The following TBXAS1 variants were observed in gnomAD, a reference collection of about 807,000 sequenced individuals.
TBXAS1 encodes the protein thromboxane-A synthase.
A neutral mutation model predicts 60.7 loss-of-function variants in TBXAS1; 48 were observed. That is an observed-to-expected ratio of 0.79 (90% CI 0.63 to 1.01). The LOEUF (loss-of-function observed/expected upper bound fraction) is 1.01. Ranked by LOEUF, TBXAS1 falls within the 50% of genes least tolerant of loss-of-function variation. TBXAS1 has a pLI of 0.00. For missense variants in TBXAS1, 685 were observed against 686.3 expected (o/e 1.00, Z 0.02); for synonymous variants, 287 against 269.7 (o/e 1.06, Z -0.63).
intron 4 of TBXAS1, among the ~76,000 whole-genome samples, chr7:139,815,611 T>G (rs534636252): frequency 6.6e-6 from 1 of 152,338 alleles, no homozygotes; most frequent in Non-Finnish European, 1.5e-5. Flanking sequence ...TACCTCATCT[T>G]CCACTGCCAT....
chr7:139,829,592 C>A (rs139547778), intron 1 of TBXAS1, 113 bp downstream of exon 1: 10 of 969,712 alleles, frequency 1.0e-5, no homozygotes, highest in East Asian at 2.6e-5. Flanking sequence ...TCTAATCTAG[C>A]GGGAGTGAGT....
chr7:139,866,797 T>G (rs780712223), intron 1 of TBXAS1, among the ~76,000 whole-genome samples: 17 of 151,360 alleles, frequency 1.1e-4, no homozygotes, highest in Admixed American at 1.3e-4. Flanking sequence ...AGGAAAAATA[T>G]AGAGAGAGAA....
At chr7:139,963,547 C>T (rs956367062) in intron 9 of TBXAS1, among the ~76,000 whole-genome samples, 7 of 152,132 alleles carry the variant, frequency 4.6e-5, no homozygotes, top group Admixed American at 4.6e-4. Context: ...AACCCTGCCA[C>T]CCATCTTATT....
rs1554503287 is a variant in TBXAS1, at chr7:139,984,636, G to GGGAGAAAGAAAGAAAGAAAGAA, written c.1134+22403_1134+22404insGGAGAAAGAAAGAAAGAAAGAA. On this transcript the variant is annotated intron_variant, in intron 9 of 12. Transcript: ENST00000448866. ...AGAAAGAGAGAGAGAGAGAGAGAGA[G>GGGAGAAAGAAAGAAAGAAAGAA]AGAGAGAAAGAAAGAAAGGGAAGGG... 9.4e-4 allele frequency among the ~76,000 whole-genome samples: 67 copies of GGGAGAAAGAAAGAAAGAAAGAA among 70,950 alleles called. 4 individuals are homozygous for GGGAGAAAGAAAGAAAGAAAGAA. Among genetic ancestry groups the GGGAGAAAGAAAGAAAGAAAGAA allele is most frequent in the East Asian group, 2.1e-3 (4 of 1,878 alleles). The allele number at this position is 70,950 out of a possible 152,430, so 46.5% of individuals were successfully genotyped here. A position where few individuals can be genotyped will look rare whatever the true frequency, so the allele number is the denominator to read the frequency against.
chr7:139,953,723 AG>A (rs1809602472), intron 6 of TBXAS1, among the ~76,000 whole-genome samples: 2 of 152,244 alleles, frequency 1.3e-5, no homozygotes, highest in South Asian at 4.1e-4. Flanking sequence ...TGGGCAGGAC[AG>A]GCCTGCGCCT....
intron 1 of TBXAS1, among the ~76,000 whole-genome samples, chr7:139,867,944 C>T (rs1270022531): frequency 6.6e-6 from 1 of 151,960 alleles, no homozygotes; most frequent in Non-Finnish European, 1.5e-5. Flanking sequence ...TCCAGTGGCC[C>T]GATTTATTTT....
intron 1 of TBXAS1, among the ~76,000 whole-genome samples, chr7:139,779,056 T>C (rs2117209643): frequency 6.6e-6 from 1 of 152,344 alleles, no homozygotes; most frequent in Middle Eastern, 3.4e-3. Flanking sequence ...TATTGTTTCA[T>C]AAACCTTTTG....
At chr7:139,906,468 A>G (rs534199226) in intron 3 of TBXAS1, among the ~76,000 whole-genome samples, 1 of 151,650 alleles carries the variant, frequency 6.6e-6, no homozygotes, top group East Asian at 1.9e-4. Flanking sequence ...TGGGTTCTCT[A>G]TTTTGTCCCA....
chr7:139,948,664 T>A (rs1808947537), intron 5 of TBXAS1, among the ~76,000 whole-genome samples: 1 of 152,218 alleles, frequency 6.6e-6, no homozygotes, highest in African/African-American at 2.4e-5. Flanking sequence ...CATCTTTTAG[T>A]AAGATCTGAG....
rs540113042 is a variant in TBXAS1, at chr7:139,817,047, C to A, written c.-79-12265C>A. Among the ~76,000 whole-genome samples the A allele has an allele frequency of 4.6e-5, 7 of 152,292 alleles. No individual in the cohort carries two copies. In the South Asian group the frequency reaches 1.2e-3, roughly 27 times the overall value. ...TTCCTGGACTCCCTCCTCTCCTTGTCCTTCCCAATCAGTTGCCAAGCCCCC... is the reference window on the plus strand; with the variant it reads ...TTCCTGGACTCCCTCCTCTCCTTGTACTTCCCAATCAGTTGCCAAGCCCCC... On this transcript the variant is annotated intron_variant, in intron 4 of 16. Transcript: ENST00000336425.
At chr7:139,802,284 T>C (rs1797741503) in intron 4 of TBXAS1, among the ~76,000 whole-genome samples, 1 of 152,224 alleles carries the variant, frequency 6.6e-6, no homozygotes, top group Admixed American at 6.5e-5. Flanking sequence ...CGTGTATCCA[T>C]TTTCTCGTTA....
intron 3 of TBXAS1, among the ~76,000 whole-genome samples, chr7:139,878,888 A>G (rs538203002): frequency 6.6e-6 from 1 of 152,168 alleles, no homozygotes; most frequent in South Asian, 2.1e-4. Context: ...CACACTCTAC[A>G]CTGTTGATGC....
intron 9 of TBXAS1, among the ~76,000 whole-genome samples, chr7:139,970,339 T>C (rs1308442261): frequency 6.6e-6 from 1 of 152,220 alleles, no homozygotes; most frequent in Non-Finnish European, 1.5e-5. Context: ...ACTCCTGACC[T>C]CAGGTGATCT....
At chr7:139,930,679 G>C (rs1163197684) in intron 4 of TBXAS1, among the ~76,000 whole-genome samples, 1 of 152,072 alleles carries the variant, frequency 6.6e-6, no homozygotes, top group Non-Finnish European at 1.5e-5. Context: ...TGTTCAGAAA[G>C]GGGTGGGGAA....
chr7:139,932,750 T>C (rs552678341), intron 4 of TBXAS1, among the ~76,000 whole-genome samples: 70 of 152,302 alleles, frequency 4.6e-4, no homozygotes, highest in African/African-American at 1.6e-3. Context: ...TTCCTCTTAT[T>C]GTGGGACATC....
At chr7:139,928,174 T>C (rs1277543624) in intron 4 of TBXAS1, among the ~76,000 whole-genome samples, 1 of 152,216 alleles carries the variant, frequency 6.6e-6, no homozygotes, top group Non-Finnish European at 1.5e-5. Context: ...ATATTGATAG[T>C]TCACTGAAAG....
At chr7:139,877,379 C>A (rs1452768357) in intron 3 of TBXAS1, among the ~76,000 whole-genome samples, 1 of 152,070 alleles carries the variant, frequency 6.6e-6, no homozygotes, top group Non-Finnish European at 1.5e-5. Context: ...TTTCTCTTAC[C>A]GTTGTGTGGT....
chr7:139,961,752 T>C (rs935929739), intron 8 of TBXAS1, among the ~76,000 whole-genome samples, 167 bp from the exon 9 acceptor site: 1 of 152,210 alleles, frequency 6.6e-6, no homozygotes, highest in Non-Finnish European at 1.5e-5. Flanking sequence ...GACATTCAGG[T>C]GGCTTCCAGG....
Position 139,852,983 on chromosome 7 carries a change from C to CACACAA in TBXAS1, c.90-19247_90-19246insAACACA, listed in dbSNP as rs1554475208. Among the ~76,000 whole-genome samples, 31 of 127,800 alleles carry CACACAA rather than the reference C, an allele frequency of 2.4e-4. No individual in the cohort carries two copies. The South Asian group carries it at 2.7e-3, about 11-fold the overall frequency. 83.8% of individuals were successfully genotyped at this position (127,800 alleles called of 152,430 possible). On this transcript the variant is annotated intron_variant, in intron 1 of 12. Coordinates refer to ENST00000448866, the MANE Select transcript of TBXAS1 (RefSeq NM_001061.7). This position sits in a 1 kb window ranked among gnomAD's most constrained non-coding sequence, Gnocchi z 4.4. ...ACACACACACACACACACACACACA[C>CACACAA]ACACACAGTTGGCCAAAGAAGCAAC... is the stretch of plus-strand genomic sequence containing the variant.
Sources: gnomAD v4.1 joint callset for allele counts (sites outside exome capture counted in the v4.1 genomes callset) on GRCh38, gnomAD v4.1.1 for gene constraint, Gnocchi (gnomAD v3.1) non-coding constraint, MANE v1.5 for transcripts, NCBI Gene and HGNC (gene_info 2026-07-23, HGNC 2026-07-21) for gene names.